Variants in SLX4IP observed in about 807,000 individuals in gnomAD.
SLX4IP encodes the protein protein SLX4IP.
A neutral mutation model predicts 32.9 loss-of-function variants in SLX4IP; 34 were observed. That is an observed-to-expected ratio of 1.03 (90% CI 0.79 to 1.38). SLX4IP has a LOEUF of 1.38. SLX4IP is among the 40% of genes most tolerant of loss of function. The pLI is 0.00. For missense variants in SLX4IP, 444 were observed against 479.0 expected (o/e 0.93, Z 0.68); for synonymous variants, 172 against 171.7 (o/e 1.00, Z -0.01).
intron 2 of SLX4IP, among the ~76,000 whole-genome samples, chr20:10,537,385 G>A (rs935264055): frequency 1.3e-5 from 2 of 152,176 alleles, no homozygotes; most frequent in Admixed American, 6.5e-5. Context: ...AGTCAACTAA[G>A]TGGGCTTTGT....
At chr20:10,525,362 A>C (rs996825667) in intron 2 of SLX4IP, among the ~76,000 whole-genome samples, 4 of 152,094 alleles carry the variant, frequency 2.6e-5, no homozygotes, top group African/African-American at 9.7e-5. Flanking sequence ...CTTTCTCTAC[A>C]CGGAAATTTA....
intron 4 of SLX4IP, among the ~76,000 whole-genome samples, chr20:10,585,280 T>C (rs2066632906): frequency 6.6e-6 from 1 of 152,230 alleles, no homozygotes; most frequent in South Asian, 2.1e-4. Context: ...CTGCTGTCAC[T>C]AATGCTCTCT....
intron 2 of SLX4IP, among the ~76,000 whole-genome samples, chr20:10,475,166 G>C (rs1478526243): frequency 6.6e-6 from 1 of 152,210 alleles, no homozygotes; most frequent in Non-Finnish European, 1.5e-5. Context: ...CCAGATCCCT[G>C]TCTCTGCTCC....
chr20:10,598,073 A>G (rs1184584288), intron 4 of SLX4IP, among the ~76,000 whole-genome samples: 2 of 152,150 alleles, frequency 1.3e-5, no homozygotes, highest in Non-Finnish European at 2.9e-5. Flanking sequence ...ATCTATTCGC[A>G]AGCTCCGACT....
intron 2 of SLX4IP, among the ~76,000 whole-genome samples, chr20:10,518,472 CTTTT>C (rs2065874400): frequency 2.9e-5 from 2 of 67,954 alleles, no homozygotes; most frequent in African/African-American, 8.3e-5. Flanking sequence ...CCTTTCCTTT[CTTTT>C]CCTTTCCTTT....
chr20:10,559,989 C>A (rs1317565185), intron 3 of SLX4IP, among the ~76,000 whole-genome samples: 1 of 152,140 alleles, frequency 6.6e-6, no homozygotes, highest in Non-Finnish European at 1.5e-5. Flanking sequence ...GATTTGTAAA[C>A]CCAAGACCAG....
At chr20:10,511,953 A>G (rs2065811282) in intron 2 of SLX4IP, among the ~76,000 whole-genome samples, 1 of 152,190 alleles carries the variant, frequency 6.6e-6, no homozygotes, top group African/African-American at 2.4e-5. Context: ...GTAATTTGGT[A>G]TTTTTTTCTT....
intron 2 of SLX4IP, among the ~76,000 whole-genome samples, chr20:10,547,702 GT>G (rs939936590): frequency 1.3e-5 from 2 of 152,028 alleles, no homozygotes; most frequent in Non-Finnish European, 2.9e-5. Context: ...ATTCTGCAGT[GT>G]TTTTTTTCCT....
rs948179288 is a variant in SLX4IP at position 10,624,405 on chromosome 20, G to A, written c.*1026G>A. 1 of 152,144 alleles carries A rather than the reference G, an allele frequency of 6.6e-6. No homozygotes were observed. Among genetic ancestry groups the A allele is most frequent in the Non-Finnish European group, 1.5e-5 (1 of 68,046 alleles). The allele number at this position is 152,144 out of a possible 1,614,324, so 9.4% of individuals were successfully genotyped here. ...AAGATGGGAGCCTTCCCTTTACAAT[G>A]TCACCCACTGTCTCCAGTGGGCTTG... On this transcript the variant is annotated 3_prime_UTR_variant, in exon 8 of 8. Coordinates refer to ENST00000334534, the MANE Select transcript of SLX4IP (RefSeq NM_001009608.3).
chr20:10,582,976 T>C (rs769983845), intron 4 of SLX4IP, among the ~76,000 whole-genome samples: 1 of 152,182 alleles, frequency 6.6e-6, no homozygotes, highest in Non-Finnish European at 1.5e-5. Flanking sequence ...TTCATGGTGG[T>C]GTTTCTTTTT....
At chr20:10,489,564 C>T (rs905213889) in intron 2 of SLX4IP, among the ~76,000 whole-genome samples, 2 of 152,152 alleles carry the variant, frequency 1.3e-5, no homozygotes, top group African/African-American at 4.8e-5. Flanking sequence ...GCCCTTCTGT[C>T]TAAGGCTCTC....
intron 2 of SLX4IP, among the ~76,000 whole-genome samples, chr20:10,475,654 G>A (rs1031602028): frequency 3.9e-5 from 6 of 152,136 alleles, no homozygotes; most frequent in Admixed American, 3.9e-4. Context: ...GAAGATAGTG[G>A]CTCCTCACCT....
At chr20:10,614,477 G>A (rs1318672400) in intron 6 of SLX4IP, among the ~76,000 whole-genome samples, 1 of 152,120 alleles carries the variant, frequency 6.6e-6, no homozygotes, top group East Asian at 1.9e-4. Flanking sequence ...GGATGAGCTG[G>A]GATTGGCTGG....
chr20:10,496,550 T>C (rs2065669303), intron 2 of SLX4IP, among the ~76,000 whole-genome samples: 1 of 152,156 alleles, frequency 6.6e-6, no homozygotes, highest in African/African-American at 2.4e-5. Flanking sequence ...TGCTTTATCA[T>C]CCCATAACTT....
chr20:10,555,927 T>C (rs2066262326), intron 2 of SLX4IP, among the ~76,000 whole-genome samples: 1 of 152,236 alleles, frequency 6.6e-6, no homozygotes, highest in African/African-American at 2.4e-5. Flanking sequence ...ATGCTTCACG[T>C]CTTCCAACTG....
At chr20:10,438,861 T>G (rs1028853718) in intron 1 of SLX4IP, among the ~76,000 whole-genome samples, 1 of 151,682 alleles carries the variant, frequency 6.6e-6, no homozygotes, top group Non-Finnish European at 1.5e-5. Context: ...ATCATCATAA[T>G]CATTTTTTTT....
chr20:10,546,185 G>A (rs2066160432), intron 2 of SLX4IP, among the ~76,000 whole-genome samples: 1 of 152,310 alleles, frequency 6.6e-6, no homozygotes, highest in Non-Finnish European at 1.5e-5. Context: ...CTAAATATGA[G>A]TGATGCTTGT....
intron 2 of SLX4IP, among the ~76,000 whole-genome samples, chr20:10,483,644 TA>T (rs73615508): frequency 0.39 from 59,228 of 151,936 alleles, 11,761 homozygotes; most frequent in Non-Finnish European, 0.43. Context: ...ATCCTGACTA[TA>T]AAAAAACTAG....
intron 4 of SLX4IP, among the ~76,000 whole-genome samples, chr20:10,592,622 CTTTTTTTTTTTTT>C (rs33995611): frequency 2.9e-4 from 16 of 55,170 alleles, no homozygotes; most frequent in East Asian, 2.2e-3. Context: ...TATTCTTCAT[CTTTTTTTTTTTTT>C]TTTTTTTTTT....
Sources: allele counts gnomAD v4.1 joint callset (sites outside exome capture counted in the v4.1 genomes callset), GRCh38; gene constraint gnomAD v4.1.1; transcripts MANE v1.5; gene names NCBI Gene and HGNC (gene_info 2026-07-23, HGNC 2026-07-21).